ANKRD50: variants seen among roughly 807,000 people sequenced by gnomAD.
The protein encoded by ANKRD50 is ankyrin repeat domain-containing protein 50.
A neutral mutation model predicts 112.0 loss-of-function variants in ANKRD50; 40 were observed. The observed-to-expected ratio is 0.36, with a 90% CI of 0.28 to 0.46. The LOEUF is 0.46. Ranked by LOEUF, ANKRD50 falls within the 20% of genes least tolerant of loss-of-function variation. The probability of loss-of-function intolerance (pLI) is 1.00; values close to 1 mark genes in which losing one functional copy is unlikely to be tolerated. For missense variants in ANKRD50, 1,487 were observed against 1,701.7 expected (o/e 0.87, Z 2.22); for synonymous variants, 613 against 619.1 (o/e 0.99, Z 0.15).
At chr4:124,711,936 G>A (rs898826264) in intron 1 of ANKRD50, among the ~76,000 whole-genome samples, 1 of 152,314 alleles carries the variant, frequency 6.6e-6, no homozygotes, top group Non-Finnish European at 1.5e-5. Context: ...AGACAGGAAA[G>A]GGATAAAGAG....
At chr4:124,708,416 A>C (rs1180915792) in intron 2 of ANKRD50, among the ~76,000 whole-genome samples, 1 of 152,122 alleles carries the variant, frequency 6.6e-6, no homozygotes, top group African/African-American at 2.4e-5. Flanking sequence ...TATTGGACTA[A>C]ATTTACATAT....
At chr4:124,668,923 G>T in intron 4 of ANKRD50, 61 bp downstream of exon 4, 1 of 1,447,332 alleles carries the variant, frequency 6.9e-7, no homozygotes, top group Non-Finnish European at 9.4e-7. Context: ...AAGGAAAAGA[G>T]CATTCCAAGT....
rs1381750947 is a variant in ANKRD50 at position 124,664,850 on chromosome 4, G to T, written c.*2668C>A. 1 of 151,772 alleles carries T rather than the reference G, an allele frequency of 6.6e-6. No individual in the cohort carries two copies. The highest frequency in any genetic ancestry group is 1.9e-4 in the East Asian group (1 of 5,170). 9.4% of individuals were successfully genotyped at this position (151,772 alleles called of 1,614,324 possible). On this transcript the variant is annotated 3_prime_UTR_variant, in exon 5 of 5. Coordinates refer to ENST00000504087, the MANE Select transcript of ANKRD50 (RefSeq NM_020337.3). ...TACTTTGCAGTACGCACTGATTTCA[G>T]GTCATTTTTCCTTCCAAAACCTTTC...
chr4:124,673,456 T>A (rs1001575289), intron 3 of ANKRD50, among the ~76,000 whole-genome samples: 5 of 152,228 alleles, frequency 3.3e-5, no homozygotes, highest in African/African-American at 1.2e-4. Flanking sequence ...AAACGATTTT[T>A]AAAGAGGCTG....
At chr4:124,701,971 A>G (rs150648254) in intron 2 of ANKRD50, among the ~76,000 whole-genome samples, 136 of 152,354 alleles carry the variant, frequency 8.9e-4, no homozygotes, top group African/African-American at 3.2e-3. Flanking sequence ...ACATGTATCA[A>G]ACAAAAGCTT....
intron 2 of ANKRD50, among the ~76,000 whole-genome samples, chr4:124,679,600 T>C (rs923010647): frequency 5.3e-5 from 8 of 152,174 alleles, no homozygotes; most frequent in African/African-American, 1.9e-4. Context: ...AAATATTTAC[T>C]TGATGTGTGC....
chr4:124,711,555 T>C (rs1239467107), intron 1 of ANKRD50, among the ~76,000 whole-genome samples: 1 of 152,146 alleles, frequency 6.6e-6, no homozygotes, highest in African/African-American at 2.4e-5. Flanking sequence ...GGAGAAACTT[T>C]ACGCACATAC....
intron 2 of ANKRD50, among the ~76,000 whole-genome samples, chr4:124,699,640 C>T (rs1003738687): frequency 1.4e-4 from 21 of 151,984 alleles, no homozygotes; most frequent in Admixed American, 2.6e-4. Flanking sequence ...AAATCTAATG[C>T]TATTCAAAAG....
Position 124,672,298 on chromosome 4 carries a change from G to C in ANKRD50, c.979C>G (p.Pro327Ala), listed in dbSNP as rs771782565. The C allele has an allele frequency of 6.2e-7, 1 of 1,613,496 alleles. No individual in the cohort carries two copies. Among genetic ancestry groups the C allele is most frequent in the South Asian group, 1.1e-5 (1 of 91,012 alleles). Residue 327 changes from proline (P) to alanine (A), a missense_variant, in exon 4 of 5, where the codon CCA becomes GCA. Pro to Ala is a conservative substitution (Grantham distance 27). This residue lies in a region of ANKRD50 where 1,046 missense variants were observed against 1,269.5 expected (regional missense o/e 0.82). Transcript: ENST00000504087. Reference protein sequence around the residue: ...FIMLREIRDIPGTLNGLYLWL... With the variant: ...FIMLREIRDIAGTLNGLYLWL... ...AGATATAAACCATTTAGAGTTCCTG[G>C]GATGTCACGAATTTCTCTTAACATA... is the stretch of plus-strand genomic sequence containing the variant.
rs182297485 is a variant in ANKRD50, at chr4:124,665,405, A to C, written c.*2113T>G. ...TGTCATATCTTCGCCCTTTGGACAC[A>C]AGGTGCAATTTTGTAAAAACAATAA... On this transcript the variant is annotated 3_prime_UTR_variant, in exon 5 of 5. Coordinates refer to ENST00000504087, the MANE Select transcript of ANKRD50 (RefSeq NM_020337.3). 5.5e-4 allele frequency: 84 copies of C among 152,362 alleles called. No homozygotes were observed. Among genetic ancestry groups the C allele is most frequent in the African/African-American group, 2.0e-3 (83 of 41,426 alleles). 9.4% of individuals were successfully genotyped at this position (152,362 alleles called of 1,614,324 possible).
chr4:124,711,487 C>T (rs757534960), intron 1 of ANKRD50, among the ~76,000 whole-genome samples: 21 of 152,154 alleles, frequency 1.4e-4, no homozygotes, highest in Admixed American at 2.6e-4. Flanking sequence ...TCCCAAACAG[C>T]CACATTTTAA....
At chr4:124,680,552 G>C (rs1011841129) in intron 2 of ANKRD50, among the ~76,000 whole-genome samples, 20 of 152,106 alleles carry the variant, frequency 1.3e-4, no homozygotes, top group African/African-American at 4.6e-4. Flanking sequence ...TGCTGAGTTT[G>C]GGAAAACCTA....
intron 2 of ANKRD50, among the ~76,000 whole-genome samples, chr4:124,692,789 C>T (rs188374674): frequency 2.0e-5 from 3 of 152,278 alleles, no homozygotes; most frequent in Non-Finnish European, 2.9e-5. Context: ...GCATCCAGAA[C>T]CAAAAGAAAA....
In ANKRD50 at chr4:124,678,920, C is replaced by T; in HGVS notation, c.513-15G>A. The T allele has an allele frequency of 1.3e-6, 2 of 1,543,306 alleles. No homozygotes were observed. The highest frequency in any genetic ancestry group is 1.4e-5 in the African/African-American group (1 of 73,230). On this transcript the variant is annotated splice_polypyrimidine_tract_variant and intron_variant, in intron 2 of 4. Coordinates refer to ENST00000504087, the MANE Select transcript of ANKRD50 (RefSeq NM_020337.3). ...GTAGAACACACCTGTAAAACACATA[C>T]ACATGAGCATTTTGAATGTTAAGTG...
At chr4:124,673,073 A>G (rs567290020) in intron 3 of ANKRD50, among the ~76,000 whole-genome samples, 39 of 152,116 alleles carry the variant, frequency 2.6e-4, no homozygotes, top group Non-Finnish European at 1.3e-4. Context: ...TTATCAAACT[A>G]AAATAACTAA....
At position 124,671,070 on chromosome 4, in the gene ANKRD50, T is replaced by A; in HGVS notation, c.2207A>T (p.Asp736Val). The A allele has an allele frequency of 6.2e-7, 1 of 1,613,776 alleles. No homozygotes were observed. The highest frequency in any genetic ancestry group is 1.7e-5 in the Admixed American group (1 of 59,944). Residue 736 changes from aspartate (D) to valine (V), a missense_variant, in exon 4 of 5, where the codon GAT becomes GTT. Coordinates refer to ENST00000504087, the MANE Select transcript of ANKRD50 (RefSeq NM_020337.3). ...GHASVVSLLIDRGAEVDHCDK... is the reference protein window; with the variant it reads ...GHASVVSLLIVRGAEVDHCDK... The stretch of plus-strand genomic sequence containing the variant: ...ACAATGATCTACTTCAGCACCTCGA[T>A]CAATTAAAAGGCTAACAACTGATGC...
intron 3 of ANKRD50, among the ~76,000 whole-genome samples, chr4:124,677,558 G>A (rs1724742569): frequency 6.6e-6 from 1 of 151,854 alleles, no homozygotes; most frequent in South Asian, 2.1e-4. Context: ...CACTTACTAT[G>A]TATTAGGCAT....
intron 3 of ANKRD50, among the ~76,000 whole-genome samples, chr4:124,675,641 G>A (rs969401325): frequency 5.3e-5 from 8 of 151,706 alleles, no homozygotes; most frequent in African/African-American, 1.9e-4. Flanking sequence ...TAATATTTGT[G>A]TATGTTGTCA....
rs569625925 is a variant in ANKRD50, at chr4:124,682,615, T to C, written c.513-3710A>G. Among the ~76,000 whole-genome samples, 20 of 152,300 alleles carry C rather than the reference T, an allele frequency of 1.3e-4. No homozygotes were observed. In the South Asian group the frequency reaches 4.1e-3, roughly 32 times the overall value. On this transcript the variant is annotated intron_variant, in intron 2 of 4. Transcript: ENST00000504087. ...TATGTCCTCTTAAGTAACTGGCCCC[T>C]GTATCATTAGGAAATGACTCTATAT...
Sources: gnomAD v4.1 joint callset for allele counts (sites outside exome capture counted in the v4.1 genomes callset) on GRCh38, gnomAD v4.1.1 for gene constraint, gnomAD v4.1.1 regional missense constraint, MANE v1.5 for transcripts, NCBI Gene and HGNC (gene_info 2026-07-23, HGNC 2026-07-21) for gene names.